ANO3: variants seen among roughly 807,000 people sequenced by gnomAD.
ANO3 encodes the protein anoctamin 3.
Under a neutral mutation model 144.8 loss-of-function variants are expected in ANO3, and 99 were observed. The ratio of observed to expected loss-of-function variants is 0.68; its 90% CI spans 0.58 to 0.81. ANO3 has a LOEUF of 0.81. ANO3 is among the 30% of genes least tolerant of loss of function. The probability of loss-of-function intolerance (pLI) is 0.00; values close to 1 mark genes in which losing one functional copy is unlikely to be tolerated. For synonymous variants in ANO3, 414 were observed against 392.6 expected (o/e 1.05, Z -0.64); for missense variants, 905 against 1,202.2 (o/e 0.75, Z 3.66).
chr11:26,410,620 T>C (rs1857404261), intron 1 of ANO3, among the ~76,000 whole-genome samples: 1 of 151,968 alleles, frequency 6.6e-6, no homozygotes, highest in Admixed American at 6.6e-5. Context: ...GAAATGAGAA[T>C]TGTCTGCAAA....
chr11:26,239,962 A>G (rs1852624637), intron 1 of ANO3, among the ~76,000 whole-genome samples: 1 of 152,226 alleles, frequency 6.6e-6, no homozygotes, highest in African/African-American at 2.4e-5. Context: ...GGTATAGTAC[A>G]TATTACAGTA....
At chr11:26,433,459 C>G (rs1412262492) in intron 1 of ANO3, among the ~76,000 whole-genome samples, 3 of 152,060 alleles carry the variant, frequency 2.0e-5, no homozygotes, top group Non-Finnish European at 2.9e-5. Context: ...AGAGGGCATC[C>G]TTGCCTTGTG....
intron 14 of ANO3, among the ~76,000 whole-genome samples, chr11:26,584,151 G>T (rs376573952): frequency 5.2e-4 from 26 of 50,300 alleles, no homozygotes; most frequent in Non-Finnish European, 7.8e-4. Context: ...TTGTTTTTTT[G>T]TTTGTTTGTT....
chr11:26,574,718 T>C (rs1345669330), intron 14 of ANO3, among the ~76,000 whole-genome samples: 2 of 152,152 alleles, frequency 1.3e-5, no homozygotes, highest in Non-Finnish European at 2.9e-5. Flanking sequence ...TAAATGCTAA[T>C]GGTTGTTTAT....
intron 1 of ANO3, among the ~76,000 whole-genome samples, chr11:26,259,585 G>A (rs1160969187): frequency 6.9e-6 from 1 of 145,228 alleles, no homozygotes; most frequent in African/African-American, 2.5e-5. Flanking sequence ...GGGTGGGGGT[G>A]GGGGGGCAGA....
In ANO3 at chr11:26,542,026, G is replaced by T; in HGVS notation, c.1112G>T (p.Arg371Leu). 1 of 1,612,668 alleles carries T rather than the reference G, an allele frequency of 6.2e-7. No homozygotes were observed. The highest frequency in any genetic ancestry group is 2.2e-5 in the East Asian group (1 of 44,838). ...NRHLLYERWA[R>L]WGMWYKHQPL... is the part of the protein sequence containing the mutation. ...CATCTATTATATGAGCGCTGGGCAC[G>T]CTGGGGAATGTGGTATAAGCATCAG... is the stretch of plus-strand genomic sequence containing the variant. The change falls in exon 11 of 27, where the codon CGC becomes CTC. Residue 371 changes from arginine (R) to leucine (L), a missense_variant. Physicochemically the swap from Arg to Leu is moderately radical, Grantham distance 102. Transcript: ENST00000256737.
chr11:26,571,534 G>T (rs1333537470), intron 14 of ANO3, among the ~76,000 whole-genome samples: 1 of 151,938 alleles, frequency 6.6e-6, no homozygotes, highest in African/African-American at 2.4e-5. Flanking sequence ...CTTTGAAAAA[G>T]ATTTATAGAA....
chr11:26,475,408 G>A (rs2134077749), intron 4 of ANO3, among the ~76,000 whole-genome samples: 1 of 151,980 alleles, frequency 6.6e-6, no homozygotes, highest in South Asian at 2.1e-4. Context: ...ATTGCTCATT[G>A]AGCCAGATTT....
At position 26,267,355 on chromosome 11, in the gene ANO3, C is replaced by A. The variant is rs545291822; in HGVS notation, c.155-42290C>A. 2.4e-4 allele frequency among the ~76,000 whole-genome samples: 37 copies of A among 152,224 alleles called. No individual in the cohort carries two copies. In the South Asian group the frequency reaches 7.3e-3, roughly 30 times the overall value. The stretch of plus-strand genomic sequence containing the variant: ...CTAAATGCTTGATGTTACCTAAAGT[C>A]TTTTGCCAGAATTTCATCACTAATA... On this transcript the variant is annotated intron_variant, in intron 1 of 27. Coordinates refer to the ANO3 transcript ENST00000672621.
At chr11:26,429,975 C>T (rs34180855) in intron 1 of ANO3, among the ~76,000 whole-genome samples, 1 of 151,996 alleles carries the variant, frequency 6.6e-6, no homozygotes, top group East Asian at 1.9e-4. Context: ...CGGGGGCTCA[C>T]GTCTGTAATC....
chr11:26,472,495 A>G (rs1392090949), intron 4 of ANO3, among the ~76,000 whole-genome samples: 2 of 151,870 alleles, frequency 1.3e-5, no homozygotes, highest in African/African-American at 2.4e-5. Flanking sequence ...AGGAGGCAGG[A>G]ATTATATACA....
chr11:26,310,039 TTA>T (rs1194506953), intron 1 of ANO3, among the ~76,000 whole-genome samples: 7 of 152,150 alleles, frequency 4.6e-5, no homozygotes, highest in Non-Finnish European at 8.8e-5. Flanking sequence ...TCAGTAAGCA[TTA>T]ATAAATTAAT....
chr11:26,466,355 C>A (rs1859602098), intron 4 of ANO3, among the ~76,000 whole-genome samples: 1 of 151,924 alleles, frequency 6.6e-6, no homozygotes, highest in Admixed American at 6.6e-5. Context: ...TGGCCACAAT[C>A]TTTTCTTTCC....
chr11:26,627,848 TGTGTGTGC>T (rs994886374), intron 18 of ANO3, among the ~76,000 whole-genome samples: 8 of 144,832 alleles, frequency 5.5e-5, no homozygotes, highest in Admixed American at 1.4e-4. Flanking sequence ...TGTGTGTGTG[TGTGTGTGC>T]GCCTGACATT....
intron 1 of ANO3, among the ~76,000 whole-genome samples, chr11:26,434,386 GA>G (rs1308901917): frequency 1.3e-5 from 2 of 152,002 alleles, no homozygotes; most frequent in African/African-American, 4.8e-5. Context: ...CAAACTCCTG[GA>G]TTCGTTGATC....
At chr11:26,641,219 C>A (rs72881723) in intron 21 of ANO3, among the ~76,000 whole-genome samples, 6,404 of 152,232 alleles carry the variant, frequency 0.042, 173 homozygotes, top group Non-Finnish European at 0.065. Flanking sequence ...CTCACGGACA[C>A]AGACTTATTG....
chr11:26,474,219 A>G (rs1266513226), intron 4 of ANO3: 1 of 482,986 alleles, frequency 2.1e-6, no homozygotes, highest in Non-Finnish European at 2.7e-6. Context: ...AGAAATTAAT[A>G]TTGATTTCAG....
chr11:26,440,199 A>G (rs1443190281), intron 1 of ANO3, among the ~76,000 whole-genome samples: 1 of 152,172 alleles, frequency 6.6e-6, no homozygotes, highest in Non-Finnish European at 1.5e-5. Context: ...GCAGCTTTGT[A>G]CAATTTACCA....
intron 1 of ANO3, among the ~76,000 whole-genome samples, chr11:26,419,634 A>G (rs1273504078): frequency 6.6e-6 from 1 of 152,092 alleles, no homozygotes; most frequent in East Asian, 1.9e-4. Flanking sequence ...TTTTGCCCTC[A>G]TGGAATGGAC....
Sources: allele counts gnomAD v4.1 joint callset (sites outside exome capture counted in the v4.1 genomes callset), GRCh38; gene constraint gnomAD v4.1.1; transcripts MANE v1.5; gene names NCBI Gene and HGNC (gene_info 2026-07-23, HGNC 2026-07-21).